The following MTAP variants were observed in gnomAD, a reference collection of about 807,000 sequenced individuals.
MTAP encodes the protein S-methyl-5'-thioadenosine phosphorylase.
MTAP carries 33 observed loss-of-function variants against 33.6 expected under a neutral mutation model. The observed-to-expected ratio is 0.98, with a 90% CI of 0.74 to 1.31. The LOEUF is 1.31. Among genes scored for constraint, MTAP ranks in the 40% most tolerant of loss-of-function variants. The pLI, the probability that MTAP is intolerant of heterozygous loss-of-function variation, is 0.00. For missense variants in MTAP, 367 were observed against 360.0 expected, an observed-to-expected ratio of 1.02 and a Z score of -0.16; for synonymous variants, 148 against 125.7, an observed-to-expected ratio of 1.18 and a Z score of -1.19.
At chr9:21,851,493 G>T (rs890461651) in intron 5 of MTAP, among the ~76,000 whole-genome samples, 3 of 152,212 alleles carry the variant, frequency 2.0e-5, no homozygotes, top group African/African-American at 7.2e-5. Context: ...TTGGGTTGGT[G>T]TTTGGTGCAT....
chr9:21,921,780 G>A (rs1045247216), intron 1 of MTAP, among the ~76,000 whole-genome samples: 2 of 152,084 alleles, frequency 1.3e-5, no homozygotes. Context: ...AGACCAGCCT[G>A]GACAACATAG....
intron 1 of MTAP, among the ~76,000 whole-genome samples, chr9:21,917,597 G>A (rs2131027335): frequency 6.6e-6 from 1 of 152,306 alleles, no homozygotes; most frequent in Admixed American, 6.5e-5. Flanking sequence ...AGCAATAGAT[G>A]TTGGCATGGA....
At position 21,919,666 on chromosome 9, in the gene MTAP, A is replaced by G. The variant is rs901624962; in HGVS notation, c.148-11342A>G. The stretch of plus-strand genomic sequence containing the variant: ...TGACCATAAGCATTTTAGCTGGGTA[A>G]GGAGTGGAGTGATGACATAAAGTGG... On this transcript the variant is annotated intron_variant, in intron 1 of 1. Transcript: ENST00000577563. Among the ~76,000 whole-genome samples, 7 of 152,350 alleles carry G rather than the reference A, an allele frequency of 4.6e-5. No homozygotes were observed. In the East Asian group the frequency reaches 1.2e-3, roughly 25 times the overall value.
At chr9:21,934,029 A>G (rs1819004497), downstream of MTAP, 1 of 152,270 alleles carries the variant, frequency 6.6e-6, no homozygotes, top group East Asian at 1.9e-4. The surrounding 1 kb of genome is among the most constrained non-coding windows in gnomAD (Gnocchi z 5.0). Flanking sequence ...ATGATTCACA[A>G]ATCAGGCAGC....
At chr9:21,905,633 G>T (rs1818464644) in intron 1 of MTAP, among the ~76,000 whole-genome samples, 5 of 151,982 alleles carry the variant, frequency 3.3e-5, no homozygotes, top group Admixed American at 2.6e-4. Flanking sequence ...GTTCAGGAAA[G>T]TGAAATAATT....
intron 1 of MTAP, among the ~76,000 whole-genome samples, chr9:21,924,052 T>C (rs1170663568): frequency 2.0e-5 from 3 of 152,134 alleles, no homozygotes; most frequent in African/African-American, 7.2e-5. Flanking sequence ...ACTCCAAGGA[T>C]AAATAGGGGA....
At chr9:21,841,868 G>T (rs924342033) in intron 5 of MTAP, among the ~76,000 whole-genome samples, 1 of 152,166 alleles carries the variant, frequency 6.6e-6, no homozygotes, top group Non-Finnish European at 1.5e-5. Context: ...ACAAAATGGG[G>T]TTCTGTAACA....
chr9:21,939,984 A>C (rs922869290), downstream of MTAP, among the ~76,000 whole-genome samples: 1 of 151,450 alleles, frequency 6.6e-6, no homozygotes, highest in Non-Finnish European at 1.5e-5. Flanking sequence ...AATATGTGTA[A>C]AATTTTATAT....
chr9:21,882,142 A>G (rs918403902), intron 1 of MTAP, among the ~76,000 whole-genome samples: 3 of 151,990 alleles, frequency 2.0e-5, no homozygotes, highest in Non-Finnish European at 4.4e-5. Context: ...TTTTACTGCA[A>G]ATACAAATGC....
intron 1 of MTAP, among the ~76,000 whole-genome samples, chr9:21,912,754 T>C (rs1435038942): frequency 6.6e-6 from 1 of 152,200 alleles, no homozygotes. Context: ...ACCACTCCTA[T>C]TCAACATAGT....
At position 21,854,727 on chromosome 9, in the gene MTAP, A is replaced by G; in HGVS notation, c.547A>G (p.Ser183Gly). The G allele has an allele frequency of 2.5e-6, 4 of 1,614,160 alleles. No homozygotes were observed. Among genetic ancestry groups the G allele is most frequent in the Non-Finnish European group, 3.4e-6 (4 of 1,179,982 alleles). ...ACCTCGTTTTAGCTCCCGGGCAGAA[A>G]GCTTCATGTTCCGCACCTGGGGGGC... ...EGPRFSSRAE[S>G]FMFRTWGADV... is the part of the protein sequence containing the mutation. Residue 183 changes from serine (S) to glycine (G), a missense_variant, in exon 6 of 8, where the codon AGC (serine) becomes GGC (glycine). Transcript: ENST00000644715.
chr9:21,879,564 A>G (rs1468730725), intron 1 of MTAP, among the ~76,000 whole-genome samples: 1 of 152,104 alleles, frequency 6.6e-6, no homozygotes, highest in Non-Finnish European at 1.5e-5. Flanking sequence ...CAAGGTTAGT[A>G]TCAATATGTG....
intron 4 of MTAP, among the ~76,000 whole-genome samples, chr9:21,822,744 A>C (rs1291632318): frequency 6.6e-6 from 1 of 152,152 alleles, no homozygotes; most frequent in Non-Finnish European, 1.5e-5. Context: ...AAAGTCTCCC[A>C]TTATTATTGT....
In MTAP at chr9:21,816,764, C is replaced by T. The variant is rs759748014; in HGVS notation, c.171C>T (p.Leu57=). 8 of 1,610,532 alleles carry T rather than the reference C, an allele frequency of 5.0e-6. No homozygotes were observed. The highest frequency in any genetic ancestry group is 2.2e-5 in the East Asian group (1 of 44,768). The stretch of plus-strand genomic sequence containing the variant: ...AGATAAAAAATGTTGATTGCGTCCT[C>T]CTTGCAAGGTATGGTATTTTAAGCT... ...LGKIKNVDCV[L]LARHGRQHTI... Residue 57 remains leucine, a synonymous_variant, in exon 3 of 8, where the codon CTC becomes CTT. Coordinates refer to ENST00000644715, the MANE Select transcript of MTAP (RefSeq NM_002451.4).
chr9:21,908,037 A>C (rs1487057489), intron 1 of MTAP, among the ~76,000 whole-genome samples: 3 of 152,226 alleles, frequency 2.0e-5, no homozygotes, highest in African/African-American at 7.2e-5. Context: ...TGATATTAAC[A>C]TTGATATAGT....
At chr9:21,896,298 A>G (rs1818292275) in intron 1 of MTAP, among the ~76,000 whole-genome samples, 1 of 152,198 alleles carries the variant, frequency 6.6e-6, no homozygotes, top group African/African-American at 2.4e-5. Context: ...AAGATCTAAA[A>G]TTGACACCCT....
In MTAP at chr9:21,873,592, T is replaced by A. The variant is rs1825964294; in HGVS notation, c.147+18722T>A. 3.5e-5 allele frequency among the ~76,000 whole-genome samples: 5 copies of A among 144,566 alleles called. No individual in the cohort carries two copies. In the South Asian group the frequency reaches 1.2e-3, roughly 34 times the overall value. 94.8% of individuals were successfully genotyped at this position (144,566 alleles called of 152,430 possible). On this transcript the variant is annotated intron_variant, in intron 1 of 1. Transcript: ENST00000577563. ...GACACTGAATCTGTTGGTGCCTTGA[T>A]CTTGGACTTCCACCCCCGCCCCCCA...
chr9:21,872,754 T>C (rs1825955783), intron 1 of MTAP, among the ~76,000 whole-genome samples: 1 of 152,100 alleles, frequency 6.6e-6, no homozygotes, highest in Admixed American at 6.6e-5. Context: ...CTGTGCCAGA[T>C]TGGAGGAGAA....
chr9:21,814,744 A>C (rs1005746466), intron 1 of MTAP, among the ~76,000 whole-genome samples: 1 of 152,228 alleles, frequency 6.6e-6, no homozygotes, highest in Middle Eastern at 3.2e-3. Context: ...TTATATTTGC[A>C]TAAATGTATT....
Sources: gnomAD v4.1 joint callset for allele counts (sites outside exome capture counted in the v4.1 genomes callset) on GRCh38, gnomAD v4.1.1 for gene constraint, Gnocchi (gnomAD v3.1) non-coding constraint, MANE v1.5 for transcripts, NCBI Gene and HGNC (gene_info 2026-07-23, HGNC 2026-07-21) for gene names.